IRAG1: variants seen among roughly 807,000 people sequenced by gnomAD.
IRAG1 encodes inositol 1,4,5-triphosphate receptor associated 1, also known as IP3R-associated cGMP kinase substrate.
A neutral mutation model predicts 106.2 loss-of-function variants in IRAG1; 62 were observed. The ratio of observed to expected loss-of-function variants is 0.58; its 90% CI spans 0.48 to 0.72. IRAG1 has a LOEUF of 0.72. IRAG1 is among the 30% of genes least tolerant of loss of function. The pLI is 0.00. For missense variants in IRAG1, 1,064 were observed against 1,140.7 expected, an observed-to-expected ratio of 0.93 and a Z score of 0.97; for synonymous variants, 462 against 443.9, an observed-to-expected ratio of 1.04 and a Z score of -0.51.
In IRAG1 at chr11:10,573,187, C is replaced by G. The variant is rs2134024890; in HGVS notation, c.*3145G>C. The G allele has an allele frequency of 6.6e-6, 1 of 152,376 alleles. No homozygotes were observed. Among genetic ancestry groups the G allele is most frequent in the South Asian group, 2.1e-4 (1 of 4,828 alleles). The allele number at this position is 152,376 out of a possible 1,614,324, so 9.4% of individuals were successfully genotyped here. A position where few individuals can be genotyped will look rare whatever the true frequency, so the allele number is the denominator to read the frequency against. On this transcript the variant is annotated 3_prime_UTR_variant, in exon 21 of 21. Transcript: ENST00000423302. Reference sequence around the variant, plus strand: ...GTGTGAGGCTTAACAACATGAGGAACTGATAGCCAGTGATACACAAATCCA... The same window carrying G: ...GTGTGAGGCTTAACAACATGAGGAAGTGATAGCCAGTGATACACAAATCCA...
intron 15 of IRAG1, 71 bp from the exon 16 acceptor site, chr11:10,594,266 T>G (rs1853015526): frequency 7.0e-7 from 1 of 1,419,304 alleles, no homozygotes; most frequent in Non-Finnish European, 9.8e-7. Context: ...AAACAGAAAC[T>G]AGGCTATCGT....
intron 17 of IRAG1, among the ~76,000 whole-genome samples, chr11:10,592,513 A>G (rs565631148): frequency 3.9e-5 from 6 of 152,338 alleles, no homozygotes; most frequent in East Asian, 3.9e-4. Context: ...ACTCATTGGT[A>G]TTACATAGAG....
chr11:10,680,322 G>GA (rs1293114084), intron 1 of IRAG1, among the ~76,000 whole-genome samples: 1 of 97,036 alleles, frequency 1.0e-5, no homozygotes, highest in African/African-American at 4.5e-5. Flanking sequence ...GGGAGGGAGG[G>GA]GGGAAGGAAG....
chr11:10,596,476 T>C (rs2134256092), intron 15 of IRAG1, among the ~76,000 whole-genome samples: 1 of 152,348 alleles, frequency 6.6e-6, no homozygotes, highest in South Asian at 2.1e-4. Flanking sequence ...AGTTTCTCTT[T>C]GGTGTGTTTT....
At chr11:10,660,616 C>T (rs1443441701) in intron 1 of IRAG1, among the ~76,000 whole-genome samples, 1 of 152,210 alleles carries the variant, frequency 6.6e-6, no homozygotes, top group East Asian at 1.9e-4. Flanking sequence ...AGAAGGAACA[C>T]AGATGACTTT....
intron 11 of IRAG1, among the ~76,000 whole-genome samples, chr11:10,607,783 T>C (rs1316975748): frequency 6.6e-6 from 1 of 152,050 alleles, no homozygotes; most frequent in East Asian, 1.9e-4. Flanking sequence ...CCCTAGGGAA[T>C]GATATGAGTG....
At chr11:10,641,535 TAC>T (rs1463408914) in intron 2 of IRAG1, among the ~76,000 whole-genome samples, 1 of 152,168 alleles carries the variant, frequency 6.6e-6, no homozygotes, top group East Asian at 1.9e-4. Context: ...CTTTGTGGGT[TAC>T]AGACATGGAA....
intron 1 of IRAG1, among the ~76,000 whole-genome samples, chr11:10,668,880 G>A (rs1396852476): frequency 6.6e-6 from 1 of 152,216 alleles, no homozygotes; most frequent in Non-Finnish European, 1.5e-5. Context: ...GGAAGATGGG[G>A]TAAGTGCCAG....
At position 10,632,042 on chromosome 11, in the gene IRAG1, T is replaced by A. The variant is rs752965754; in HGVS notation, c.349A>T (p.Arg117Trp). 7 of 1,613,840 alleles carry A rather than the reference T, an allele frequency of 4.3e-6. No individual in the cohort carries two copies. The highest frequency in any genetic ancestry group is 4.2e-6 in the Non-Finnish European group (5 of 1,179,812). Residue 117 changes from arginine (R) to tryptophan (W), a missense_variant, in exon 4 of 21, where the codon AGG (arginine) becomes TGG (tryptophan). Transcript: ENST00000423302. Reference protein sequence around the residue: ...LANRVHSPHKRLSHRHLKVST... With the variant: ...LANRVHSPHKWLSHRHLKVST... ...ACCTTCAAGTGTCGGTGAGAAAGCC[T>A]CTTGTGGGGACTGTGAACTCTGAAA...
chr11:10,597,183 C>T (rs1337075008), intron 15 of IRAG1, among the ~76,000 whole-genome samples: 9 of 152,164 alleles, frequency 5.9e-5, no homozygotes, highest in Non-Finnish European at 1.3e-4. Context: ...TGAAGAATAG[C>T]CTCAAATATA....
intron 18 of IRAG1, among the ~76,000 whole-genome samples, chr11:10,583,077 C>A (rs1314203084): frequency 7.2e-5 from 11 of 152,168 alleles, no homozygotes; most frequent in African/African-American, 2.4e-4. Context: ...AACTTTTGGA[C>A]AAGAGACATT....
rs1372326745 is a variant in IRAG1 at position 10,600,961 on chromosome 11, T to C, written c.1974A>G (p.Lys658=). 1.2e-6 allele frequency: 2 copies of C among 1,613,962 alleles called. No individual in the cohort carries two copies. Among genetic ancestry groups the C allele is most frequent in the African/African-American group, 1.3e-5 (1 of 74,956 alleles). The change falls in exon 15 of 21, where the codon AAA becomes AAG. Residue 658 remains lysine (K), a synonymous_variant. Coordinates refer to ENST00000423302, the MANE Select transcript of IRAG1 (RefSeq NM_130385.4). ...EKDHAELMEF[K]KLANQNSSRS... The stretch of plus-strand genomic sequence containing the variant: ...GGCTTGAATTCTGATTTGCAAGCTT[T>C]TTAAACTCCATGAGCTCCGCATGGT...
intron 4 of IRAG1, 110 bp downstream of exon 4, chr11:10,631,881 T>G: frequency 9.5e-6 from 8 of 839,738 alleles, no homozygotes; most frequent in Admixed American, 2.0e-5. Flanking sequence ...CCTGTTGGAC[T>G]TATCGGGAGG....
At chr11:10,635,129 C>G (rs1386809608) in intron 2 of IRAG1, among the ~76,000 whole-genome samples, 1 of 152,148 alleles carries the variant, frequency 6.6e-6, no homozygotes, top group African/African-American at 2.4e-5. Context: ...GTAGTGGCAC[C>G]CACACACCCC....
At chr11:10,579,780 C>T (rs1022916227) in intron 20 of IRAG1, among the ~76,000 whole-genome samples, 1 of 152,166 alleles carries the variant, frequency 6.6e-6, no homozygotes, top group East Asian at 1.9e-4. Context: ...ATCCTAAAGG[C>T]CAGGCAGGAA....
intron 9 of IRAG1, 46 bp downstream of exon 9, chr11:10,625,920 A>T: frequency 7.2e-7 from 1 of 1,394,812 alleles, no homozygotes; most frequent in Non-Finnish European, 9.3e-7. Flanking sequence ...CAGCCCAGGG[A>T]GTACCTGGAG....
chr11:10,628,912 G>C lies in IRAG1; in HGVS notation c.575-84C>G. 2 of 1,340,018 alleles carry C rather than the reference G, an allele frequency of 1.5e-6. No individual in the cohort carries two copies. Among genetic ancestry groups the C allele is most frequent in the South Asian group, 1.3e-5 (1 of 75,276 alleles). 83.0% of individuals were successfully genotyped at this position (1,340,018 alleles called of 1,614,324 possible). On this transcript the variant is annotated intron_variant, in intron 5 of 20. Transcript: ENST00000423302. This position sits in a 1 kb window ranked among gnomAD's most constrained non-coding sequence, Gnocchi z 4.1. ...AAAGGCATCCTTTTAGGTATTCCCA[G>C]GCCCTGGGAACTGGGTCTGCCTTGC...
At chr11:10,663,913 G>A (rs777923479) in intron 1 of IRAG1, among the ~76,000 whole-genome samples, 7 of 152,248 alleles carry the variant, frequency 4.6e-5, no homozygotes, top group Non-Finnish European at 7.4e-5. Flanking sequence ...AAAGTGACTC[G>A]CTCTAGGTCA....
At chr11:10,639,183 G>T (rs1222029328) in intron 2 of IRAG1, among the ~76,000 whole-genome samples, 1 of 152,214 alleles carries the variant, frequency 6.6e-6, no homozygotes, top group Admixed American at 6.5e-5. Flanking sequence ...GCCTCCCAAA[G>T]TGCTGGGATT....
Sources: allele counts gnomAD v4.1 joint callset (sites outside exome capture counted in the v4.1 genomes callset), GRCh38; gene constraint gnomAD v4.1.1; non-coding constraint Gnocchi (gnomAD v3.1); transcripts MANE v1.5; gene names NCBI Gene and HGNC (gene_info 2026-07-23, HGNC 2026-07-21).